Variants in NRXN3 observed in about 807,000 individuals in gnomAD.
The protein encoded by NRXN3 is neurexin III.
A neutral mutation model predicts 137.6 loss-of-function variants in NRXN3; 32 were observed. The observed-to-expected ratio is 0.23, with a 90% CI of 0.18 to 0.31. The LOEUF is 0.31. Ranked by LOEUF, NRXN3 falls within the 10% of genes least tolerant of loss-of-function variation. The pLI, the probability that NRXN3 is intolerant of heterozygous loss-of-function variation, is 1.00. For synonymous variants in NRXN3, 798 were observed against 784.5 expected (o/e 1.02, Z -0.29); for missense variants, 1,574 against 2,062.5 (o/e 0.76, Z 4.59).
At chr14:78,274,761 C>T (rs1037198648) in intron 2 of NRXN3, among the ~76,000 whole-genome samples, 6 of 152,298 alleles carry the variant, frequency 3.9e-5, no homozygotes, top group Middle Eastern at 3.4e-3. Context: ...GGGTGAAAGA[C>T]GGAAGTGGGT....
At chr14:79,403,861 C>T (rs562149046) in intron 15 of NRXN3, among the ~76,000 whole-genome samples, 1 of 152,194 alleles carries the variant, frequency 6.6e-6, no homozygotes, top group South Asian at 2.1e-4. Flanking sequence ...CACGATGGAG[C>T]AAAGGGTGGA....
At chr14:78,294,369 A>G (rs928207129) in intron 3 of NRXN3, among the ~76,000 whole-genome samples, 1 of 152,144 alleles carries the variant, frequency 6.6e-6, no homozygotes, top group Admixed American at 6.5e-5. Context: ...AGCCTGGCTA[A>G]CATGGCAAAA....
intron 8 of NRXN3, among the ~76,000 whole-genome samples, chr14:78,743,507 G>C (rs1567197556): frequency 6.6e-6 from 1 of 152,106 alleles, no homozygotes; most frequent in Non-Finnish European, 1.5e-5. Flanking sequence ...TTTCCCATGA[G>C]CATTAGGCAC....
At position 79,473,669 on chromosome 14, in the gene NRXN3, G is replaced by A. The variant is rs116533395; in HGVS notation, c.3444+6267G>A. On this transcript the variant is annotated intron_variant, in intron 16 of 20. Transcript: ENST00000335750. ...AGGAACGAACAAGAAAACAACAGAG[G>A]TATCCAACAGATGCAATTTCGTTTC... is the stretch of plus-strand genomic sequence containing the variant. 1.9e-3 allele frequency among the ~76,000 whole-genome samples: 296 copies of A among 152,278 alleles called. 1 individual carries two copies. Among genetic ancestry groups the A allele is most frequent in the African/African-American group, 6.9e-3 (286 of 41,562 alleles).
chr14:78,243,079 G>C lies in NRXN3; in HGVS notation c.-15G>C. On this transcript the variant is annotated 5_prime_UTR_variant, in exon 2 of 21. Coordinates refer to ENST00000335750, the MANE Select transcript of NRXN3 (RefSeq NM_001330195.2). The surrounding 1 kb of genome is among the most constrained non-coding windows in gnomAD (Gnocchi z 4.2). ...TGGCCTGTCTGCTCCTCCGGGCTCT[G>C]TCCCAGCAGCGACAATGAGCTCCAC... The C allele has an allele frequency of 1.3e-6, 2 of 1,499,706 alleles. No individual in the cohort carries two copies. The highest frequency in any genetic ancestry group is 1.8e-6 in the Non-Finnish European group (2 of 1,128,038). The allele number at this position is 1,499,706 out of a possible 1,614,324, so 92.9% of individuals were successfully genotyped here.
At chr14:78,854,630 A>T (rs998099598) in intron 10 of NRXN3, among the ~76,000 whole-genome samples, 1 of 152,220 alleles carries the variant, frequency 6.6e-6, no homozygotes, top group Non-Finnish European at 1.5e-5. Context: ...GTGAGTGTGT[A>T]TAATAGAGGC....
intron 16 of NRXN3, among the ~76,000 whole-genome samples, chr14:79,561,340 G>A (rs1184692865): frequency 2.0e-5 from 3 of 152,162 alleles, no homozygotes; most frequent in Non-Finnish European, 4.4e-5. Context: ...AGACAGCAAA[G>A]CCATATTGTG....
chr14:78,426,007 T>C (rs542697073), intron 4 of NRXN3, among the ~76,000 whole-genome samples: 16 of 152,320 alleles, frequency 1.1e-4, no homozygotes, highest in Non-Finnish European at 2.1e-4. Flanking sequence ...AAGTGAAGTA[T>C]GTGCTGCATA....
chr14:78,238,318 G>GCACC (rs1353276045), intron 1 of NRXN3, among the ~76,000 whole-genome samples: 15 of 152,228 alleles, frequency 9.9e-5, no homozygotes, highest in Admixed American at 6.5e-5. Flanking sequence ...GAAGTGTTCT[G>GCACC]AGCTTCTGCA....
chr14:79,267,626 A>G (rs76354001), intron 15 of NRXN3, among the ~76,000 whole-genome samples: 8,006 of 141,598 alleles, frequency 0.057, 617 homozygotes, highest in African/African-American at 0.18. Flanking sequence ...CCAAACTGCT[A>G]GGTGAGCTAC....
intron 10 of NRXN3, among the ~76,000 whole-genome samples, chr14:78,831,188 A>G (rs1044960802): frequency 6.6e-6 from 1 of 152,152 alleles, no homozygotes; most frequent in Non-Finnish European, 1.5e-5. Flanking sequence ...GCTGGTGATA[A>G]GGCTTGGACT....
chr14:79,204,709 A>G (rs2066544102), intron 15 of NRXN3, among the ~76,000 whole-genome samples: 2 of 152,148 alleles, frequency 1.3e-5, no homozygotes. Context: ...TTGGGTAGAT[A>G]TGGAACAAAA....
intron 6 of NRXN3, among the ~76,000 whole-genome samples, chr14:78,677,408 G>C (rs1259488380): frequency 1.3e-5 from 2 of 151,836 alleles, no homozygotes; most frequent in African/African-American, 2.4e-5. Flanking sequence ...GGAAGTAACT[G>C]CAGATGTGGT....
chr14:78,383,538 G>T (rs1214869246), intron 4 of NRXN3, among the ~76,000 whole-genome samples: 1 of 152,172 alleles, frequency 6.6e-6, no homozygotes, highest in Non-Finnish European at 1.5e-5. Context: ...GATCTTGGAA[G>T]ACTGGGATTT....
intron 10 of NRXN3, among the ~76,000 whole-genome samples, chr14:78,892,866 G>A (rs754811277): frequency 6.6e-6 from 1 of 151,212 alleles, no homozygotes; most frequent in Non-Finnish European, 1.5e-5. Context: ...TGGGCTTTAG[G>A]AAGCTGCATA....
chr14:79,619,684 A>G (rs1464218852), intron 16 of NRXN3, among the ~76,000 whole-genome samples: 4 of 152,094 alleles, frequency 2.6e-5, no homozygotes, highest in Non-Finnish European at 4.4e-5. Flanking sequence ...TATTCATAAA[A>G]ATGAACCAAC....
At chr14:79,344,064 G>A (rs2153370535) in intron 15 of NRXN3, among the ~76,000 whole-genome samples, 1 of 152,290 alleles carries the variant, frequency 6.6e-6, no homozygotes, top group East Asian at 1.9e-4. Flanking sequence ...GTAAAAAAAT[G>A]TTTACCAGTT....
intron 15 of NRXN3, among the ~76,000 whole-genome samples, chr14:79,030,002 G>A (rs2152485038): frequency 6.7e-6 from 1 of 148,996 alleles, no homozygotes; most frequent in South Asian, 2.2e-4. Context: ...CATGACCACT[G>A]TGCCCGTCTA....
At position 79,279,684 on chromosome 14, in the gene NRXN3, C is replaced by A. The variant is rs2080933190; in HGVS notation, c.3263-187537C>A. The A allele has an allele frequency of 4.1e-6, 4 of 986,100 alleles. No individual in the cohort carries two copies. The African/African-American group carries it at 5.2e-5, about 13-fold the overall frequency. The allele number at this position is 986,100 out of a possible 1,614,324, so 61.1% of individuals were successfully genotyped here. On this transcript the variant is annotated intron_variant, in intron 15 of 20. Transcript: ENST00000335750. ...GCTGCTCCGTGGCGCTAGTCCAGCA[C>A]GCCCAGGGTTAAAAGCCTCGCGCCC...
Sources: gnomAD v4.1 joint callset for allele counts (sites outside exome capture counted in the v4.1 genomes callset) on GRCh38, gnomAD v4.1.1 for gene constraint, Gnocchi (gnomAD v3.1) non-coding constraint, MANE v1.5 for transcripts, NCBI Gene and HGNC (gene_info 2026-07-23, HGNC 2026-07-21) for gene names.